Variants in PLCB4 observed in about 807,000 individuals in gnomAD.
PLCB4 encodes the protein phospholipase C beta 4.
A neutral mutation model predicts 178.8 loss-of-function variants in PLCB4; 77 were observed. The observed-to-expected ratio is 0.43, with a 90% CI of 0.36 to 0.52. The LOEUF (loss-of-function observed/expected upper bound fraction) is 0.52, where lower values mean the gene tolerates loss of function less well. Ranked by LOEUF, PLCB4 falls within the 20% of genes least tolerant of loss-of-function variation. The pLI is 0.00. For missense variants in PLCB4, 1,024 were observed against 1,453.4 expected, an observed-to-expected ratio of 0.70 and a Z score of 4.80; for synonymous variants, 496 against 490.8, an observed-to-expected ratio of 1.01 and a Z score of -0.14.
chr20:9,171,465 A>G (rs1386563433), intron 2 of PLCB4, among the ~76,000 whole-genome samples: 1 of 152,194 alleles, frequency 6.6e-6, no homozygotes, highest in Non-Finnish European at 1.5e-5. Context: ...TGTTAGGGCT[A>G]ATGTATAGTT....
At chr20:9,311,546 A>G (rs1043932903) in intron 4 of PLCB4, among the ~76,000 whole-genome samples, 3 of 151,840 alleles carry the variant, frequency 2.0e-5, no homozygotes, top group Non-Finnish European at 2.9e-5. Flanking sequence ...TGTTTCCTTT[A>G]TTTTATTTTA....
In PLCB4 at chr20:9,213,777, C is replaced by A. The variant is rs562740462; in HGVS notation, c.-78-3613C>A. On this transcript the variant is annotated intron_variant, in intron 2 of 39. Transcript: ENST00000378473. ...GCAGCAGCATCATTTTACATTTCCA[C>A]CAGCAGTGTATGAAGTTTCCAATTT... Among the ~76,000 whole-genome samples the A allele has an allele frequency of 2.6e-4, 40 of 152,294 alleles. 1 individual carries two copies. Among genetic ancestry groups the A allele is most frequent in the Middle Eastern group, 3.4e-3 (1 of 294 alleles).
intron 17 of PLCB4, among the ~76,000 whole-genome samples, chr20:9,392,389 G>A (rs776305913): frequency 3.9e-5 from 6 of 152,138 alleles, no homozygotes; most frequent in Non-Finnish European, 5.9e-5. Flanking sequence ...CTTGGTGTCC[G>A]GTCTATGTAA....
chr20:9,134,107 C>T (rs957616755), intron 2 of PLCB4, among the ~76,000 whole-genome samples: 1 of 152,180 alleles, frequency 6.6e-6, no homozygotes, highest in South Asian at 2.1e-4. Context: ...CTTGCCTGCA[C>T]ATCAGTATCA....
At chr20:9,411,696 A>G (rs961147468) in intron 25 of PLCB4, among the ~76,000 whole-genome samples, 1 of 150,312 alleles carries the variant, frequency 6.7e-6, no homozygotes, top group Non-Finnish European at 1.5e-5. Context: ...TTAAATGAAA[A>G]TATAAAATTA....
chr20:9,175,773 C>T (rs1314919649), intron 2 of PLCB4, among the ~76,000 whole-genome samples: 1 of 152,176 alleles, frequency 6.6e-6, no homozygotes, highest in East Asian at 1.9e-4. Flanking sequence ...ACCACATAAT[C>T]CCATATTCAT....
At chr20:9,126,100 TA>T (rs2092107241) in intron 2 of PLCB4, among the ~76,000 whole-genome samples, 1 of 152,190 alleles carries the variant, frequency 6.6e-6, no homozygotes, top group African/African-American at 2.4e-5. Flanking sequence ...CATTTTTAAA[TA>T]AAAACAATAT....
chr20:9,177,652 A>G lies in PLCB4; in HGVS notation c.-78-39738A>G, dbSNP rs546155307. Among the ~76,000 whole-genome samples the G allele has an allele frequency of 4.6e-5, 7 of 152,332 alleles. No homozygotes were observed. The South Asian group carries it at 1.0e-3, about 23-fold the overall frequency. ...ATGGAAAGTGAGCTTGCATCAAGTC[A>G]TGAAAGACATTGTGTTGTATGCAAA... is the stretch of plus-strand genomic sequence containing the variant. On this transcript the variant is annotated intron_variant, in intron 2 of 39. Transcript: ENST00000378473.
At chr20:9,394,870 G>T (rs1282111523) in intron 18 of PLCB4, among the ~76,000 whole-genome samples, 1 of 151,998 alleles carries the variant, frequency 6.6e-6, no homozygotes, top group East Asian at 1.9e-4. Flanking sequence ...GCTGGCTGTT[G>T]GCCATTTTTA....
intron 28 of PLCB4, among the ~76,000 whole-genome samples, chr20:9,428,389 T>TA (rs2041174617): frequency 6.6e-6 from 1 of 152,108 alleles, no homozygotes; most frequent in African/African-American, 2.4e-5. Flanking sequence ...TATGGTAAAA[T>TA]ACTTTGGAAA....
chr20:9,140,443 G>A (rs1326703015), intron 2 of PLCB4, among the ~76,000 whole-genome samples: 1 of 152,082 alleles, frequency 6.6e-6, no homozygotes, highest in East Asian at 1.9e-4. Flanking sequence ...GTACTGATAA[G>A]TGCTTGCTAT....
intron 3 of PLCB4, among the ~76,000 whole-genome samples, chr20:9,274,573 A>G (rs1408356321): frequency 6.6e-6 from 1 of 152,104 alleles, no homozygotes; most frequent in Non-Finnish European, 1.5e-5. Flanking sequence ...GCCTTGGACA[A>G]TGCATTTTTA....
In PLCB4 at chr20:9,395,626, G is replaced by C; in HGVS notation, c.1510+8G>C. 1 of 1,582,758 alleles carries C rather than the reference G, an allele frequency of 6.3e-7. No homozygotes were observed. The highest frequency in any genetic ancestry group is 1.1e-5 in the South Asian group (1 of 90,412). ...AAGAGGAGATCGAAAGTGGTGAGCTGTTTGCTTTTATTTTAAGTTACATGC... is the reference window on the plus strand; with the variant it reads ...AAGAGGAGATCGAAAGTGGTGAGCTCTTTGCTTTTATTTTAAGTTACATGC... On this transcript the variant is annotated splice_region_variant and intron_variant, in intron 19 of 39. Coordinates refer to ENST00000378473, the MANE Select transcript of PLCB4 (RefSeq NM_001377142.1).
intron 2 of PLCB4, among the ~76,000 whole-genome samples, chr20:9,129,882 T>C (rs1465385296): frequency 6.6e-6 from 1 of 152,114 alleles, no homozygotes; most frequent in Non-Finnish European, 1.5e-5. Flanking sequence ...TACAAACAAA[T>C]AGGTCTTTTG....
intron 2 of PLCB4, among the ~76,000 whole-genome samples, chr20:9,198,273 C>T (rs2093498151): frequency 6.6e-6 from 1 of 152,136 alleles, no homozygotes; most frequent in South Asian, 2.1e-4. Context: ...CACATTCCCC[C>T]CCTCTCAAAA....
At chr20:9,263,117 A>G (rs563815287) in intron 3 of PLCB4, among the ~76,000 whole-genome samples, 54 of 152,278 alleles carry the variant, frequency 3.5e-4, no homozygotes, top group South Asian at 2.3e-3. Flanking sequence ...CAAACTCTCA[A>G]GAGAGGAAGA....
intron 19 of PLCB4, among the ~76,000 whole-genome samples, chr20:9,400,053 C>G (rs1188849591): frequency 2.0e-5 from 3 of 152,182 alleles, no homozygotes; most frequent in Non-Finnish European, 2.9e-5. Context: ...TCCATTTCCT[C>G]AAATCCTTTT....
chr20:9,184,942 A>T (rs182610503), intron 2 of PLCB4, among the ~76,000 whole-genome samples: 11 of 152,338 alleles, frequency 7.2e-5, no homozygotes, highest in African/African-American at 2.6e-4. Context: ...TTTTTCAGAC[A>T]GGGTCTCACT....
At chr20:9,461,472 C>T (rs542071805) in intron 35 of PLCB4, among the ~76,000 whole-genome samples, 49 of 152,324 alleles carry the variant, frequency 3.2e-4, no homozygotes, top group Non-Finnish European at 7.1e-4. Flanking sequence ...ACCCAGGAAG[C>T]ACAAGGGGTC....
Sources: allele counts gnomAD v4.1 joint callset (sites outside exome capture counted in the v4.1 genomes callset), GRCh38; gene constraint gnomAD v4.1.1; transcripts MANE v1.5; gene names NCBI Gene and HGNC (gene_info 2026-07-23, HGNC 2026-07-21).